ACACB: variants seen among roughly 807,000 people sequenced by gnomAD.
ACACB encodes acetyl-CoA carboxylase 2.
A neutral mutation model predicts 278.8 loss-of-function variants in ACACB; 209 were observed. The observed-to-expected ratio is 0.75, with a 90% CI of 0.67 to 0.84. ACACB has a LOEUF of 0.84. ACACB is among the 40% of genes least tolerant of loss of function. The pLI, the probability that ACACB is intolerant of heterozygous loss-of-function variation, is 0.00. For missense variants in ACACB, 2,850 were observed against 3,269.0 expected, an observed-to-expected ratio of 0.87 and a Z score of 3.13; for synonymous variants, 1,174 against 1,285.6, an observed-to-expected ratio of 0.91 and a Z score of 1.86.
intron 10 of ACACB, among the ~76,000 whole-genome samples, chr12:109,179,665 A>T (rs893845254): frequency 6.6e-6 from 1 of 151,944 alleles, no homozygotes. Context: ...TTTAAAAAAA[A>T]ATTTTTGTAG....
chr12:109,123,735 T>C (rs2042609515), intron 1 of ACACB, among the ~76,000 whole-genome samples: 1 of 51,540 alleles, frequency 1.9e-5, no homozygotes, highest in Non-Finnish European at 3.7e-5. Context: ...TCGCCCAGGC[T>C]GGAGTGCAGT....
At chr12:109,140,804 G>T (rs149632865) in intron 2 of ACACB, among the ~76,000 whole-genome samples, 1 of 152,060 alleles carries the variant, frequency 6.6e-6, no homozygotes, top group African/African-American at 2.4e-5. Context: ...AATGAGCCAA[G>T]GCTGGCAAGA....
At chr12:109,175,426 T>C (rs577310574) in intron 7 of ACACB, among the ~76,000 whole-genome samples, 2 of 152,226 alleles carry the variant, frequency 1.3e-5, no homozygotes, top group South Asian at 4.2e-4. Context: ...TTTTGTTGTT[T>C]TGTTTTCGAG....
rs1215025074 is a variant in ACACB at position 109,233,929 on chromosome 12, C to T, written c.4240-9C>T. ...CTTTCCAGCCCTACCCCTTGCTTCTCCCTCTCAGAGCCTCAGAGAAGAGCC... is the reference window on the plus strand; with the variant it reads ...CTTTCCAGCCCTACCCCTTGCTTCTTCCTCTCAGAGCCTCAGAGAAGAGCC... On this transcript the variant is annotated splice_polypyrimidine_tract_variant and intron_variant, in intron 30 of 52. Transcript: ENST00000338432. The T allele has an allele frequency of 6.2e-7, 1 of 1,613,632 alleles. No individual in the cohort carries two copies. The highest frequency in any genetic ancestry group is 8.5e-7 in the Non-Finnish European group (1 of 1,179,720).
chr12:109,227,700 G>A lies in ACACB; in HGVS notation c.4001+211G>A, dbSNP rs1420134900. 2.0e-5 allele frequency among the ~76,000 whole-genome samples: 3 copies of A among 152,228 alleles called. No individual in the cohort carries two copies. The East Asian group carries it at 5.8e-4, about 29-fold the overall frequency. On this transcript the variant is annotated intron_variant, in intron 28 of 52. Transcript: ENST00000338432. ...AGAGCCCACCTCCTACACCTGCACTGTTCAGTACAGTAGCCATGTGTGCCT... is the reference window on the plus strand; with the variant it reads ...AGAGCCCACCTCCTACACCTGCACTATTCAGTACAGTAGCCATGTGTGCCT...
intron 28 of ACACB, among the ~76,000 whole-genome samples, chr12:109,230,078 T>G (rs1049791124): frequency 2.0e-5 from 3 of 152,186 alleles, no homozygotes; most frequent in Non-Finnish European, 2.9e-5. Context: ...ATTTGGGAGT[T>G]CGGTTGATCA....
At chr12:109,226,562 G>A (rs1042841094) in intron 27 of ACACB, among the ~76,000 whole-genome samples, 1 of 152,062 alleles carries the variant, frequency 6.6e-6, no homozygotes, top group African/African-American at 2.4e-5. Context: ...AGCCAGGCAT[G>A]GTGGTGCATG....
intron 4 of ACACB, among the ~76,000 whole-genome samples, chr12:109,168,235 A>T (rs2136167372): frequency 6.6e-6 from 1 of 152,340 alleles, no homozygotes; most frequent in African/African-American, 2.4e-5. Flanking sequence ...ACAAAAATGC[A>T]GATGGTTAAC....
chr12:109,135,887 G>A (rs1405793563), intron 1 of ACACB, among the ~76,000 whole-genome samples: 1 of 147,362 alleles, frequency 6.8e-6, no homozygotes, highest in Non-Finnish European at 1.5e-5. Flanking sequence ...TCGGCTCACT[G>A]CAAGCTCTGC....
rs764688506 is a variant in ACACB, at chr12:109,258,324, C to T, written c.6320C>T (p.Ala2107Val). ...GTGGAGACACGGACTGTGGAGGTGG[C>T]AGTCCCTGCAGACCCTGCCAACCTG... ...IAVETRTVEV[A>V]VPADPANLDS... The change falls in exon 46 of 53, where the codon GCA (alanine) becomes GTA (valine). Residue 2107 changes from alanine to valine, a missense_variant. Ala to Val is a moderately conservative substitution (Grantham distance 64). Around this residue, in one of 3 missense-constraint regions of ACACB, gnomAD observed 579 missense variants for 684.6 expected, o/e 0.85. Transcript: ENST00000338432. 114 of 1,612,254 alleles carry T rather than the reference C, an allele frequency of 7.1e-5. No individual in the cohort carries two copies. Among genetic ancestry groups the T allele is most frequent in the Non-Finnish European group, 9.3e-5 (110 of 1,179,864 alleles).
chr12:109,139,775 G>A lies in ACACB; in HGVS notation c.370G>A (p.Gly124Ser), dbSNP rs1365009684. ...TCAAGCCAACGGGACTGGGACACAAGGTCTGGAGGCCACAGATACCAATGG... is the reference window on the plus strand; with the variant it reads ...TCAAGCCAACGGGACTGGGACACAAAGTCTGGAGGCCACAGATACCAATGG... ...ELQANGTGTQ[G>S]LEATDTNGLS... is the part of the protein sequence containing the mutation. Residue 124 changes from glycine (G) to serine (S), a missense_variant, in exon 2 of 53, where the codon GGT (glycine) becomes AGT (serine). Coordinates refer to ENST00000338432, the MANE Select transcript of ACACB (RefSeq NM_001093.4). The A allele has an allele frequency of 1.2e-6, 2 of 1,614,106 alleles. No individual in the cohort carries two copies. Among genetic ancestry groups the A allele is most frequent in the African/African-American group, 2.7e-5 (2 of 74,944 alleles).
Position 109,193,729 on chromosome 12 carries a change from G to A in ACACB, c.2481G>A (p.Lys827=). Residue 827 remains lysine, a splice_region_variant and synonymous_variant, in exon 16 of 53, where the codon AAG becomes AAA. Transcript: ENST00000338432. Reference sequence around the variant, plus strand: ...ACGGAGGTGTTAAGTACATTCTCAAGGTAAATGCCCCCGTGCCTCTCCGAT... The same window carrying A: ...ACGGAGGTGTTAAGTACATTCTCAAAGTAAATGCCCCCGTGCCTCTCCGAT... The part of the protein sequence containing the change: ...LIYGGVKYIL[K]VARQSLTMFV... 1 of 1,611,898 alleles carries A rather than the reference G, an allele frequency of 6.2e-7. No homozygotes were observed. Among genetic ancestry groups the A allele is most frequent in the Non-Finnish European group, 8.5e-7 (1 of 1,178,060 alleles).
chr12:109,129,552 C>T (rs1458977062), intron 1 of ACACB, among the ~76,000 whole-genome samples: 2 of 152,246 alleles, frequency 1.3e-5, no homozygotes, highest in Non-Finnish European at 2.9e-5. Context: ...AAAAAATGGT[C>T]TCCCTGGGCC....
At chr12:109,254,038 T>C (rs1188573825) in intron 43 of ACACB, among the ~76,000 whole-genome samples, 176 bp from the exon 44 acceptor site, 5 of 152,134 alleles carry the variant, frequency 3.3e-5, no homozygotes, top group African/African-American at 4.8e-5. Context: ...GAAGAATCCA[T>C]GGGATGGCCA....
chr12:109,140,256 A>ATCCATCCTTCCTTCTT (rs2043077268), intron 2 of ACACB, among the ~76,000 whole-genome samples, 198 bp downstream of exon 2: 1 of 83,210 alleles, frequency 1.2e-5, no homozygotes. Flanking sequence ...CCTTCCTTCC[A>ATCCATCCTTCCTTCTT]TCCTTCCTTC....
chr12:109,242,393 T>A (rs756610287), intron 36 of ACACB, 44 bp from the exon 37 acceptor site: 1 of 1,591,854 alleles, frequency 6.3e-7, no homozygotes, highest in East Asian at 2.3e-5. Flanking sequence ...GGGGGAGATG[T>A]GTGATTCTCT....
chr12:109,133,861 A>ATTT (rs1236378780), intron 1 of ACACB, among the ~76,000 whole-genome samples: 5 of 46,350 alleles, frequency 1.1e-4, no homozygotes, highest in Admixed American at 2.6e-4. Flanking sequence ...ATATATATAT[A>ATTT]TATTTTTTTT....
chr12:109,252,504 T>C (rs892625833), intron 42 of ACACB: 1 of 194,796 alleles, frequency 5.1e-6, no homozygotes, highest in Non-Finnish European at 1.0e-5. Context: ...TGTCTTTATG[T>C]GGTTAATTTA....
intron 1 of ACACB, among the ~76,000 whole-genome samples, chr12:109,124,031 T>C (rs1453979350): frequency 6.6e-6 from 1 of 152,008 alleles, no homozygotes; most frequent in Non-Finnish European, 1.5e-5. Flanking sequence ...GATGTCACAC[T>C]GTTTTGCCCG....
Sources: gnomAD v4.1 joint callset for allele counts (sites outside exome capture counted in the v4.1 genomes callset) on GRCh38, gnomAD v4.1.1 for gene constraint, gnomAD v4.1.1 regional missense constraint, MANE v1.5 for transcripts, NCBI Gene and HGNC (gene_info 2026-07-23, HGNC 2026-07-21) for gene names.